The following PPP6R2 variants were observed in gnomAD, a reference collection of about 807,000 sequenced individuals.
PPP6R2 encodes the protein protein phosphatase 6 regulatory subunit 2.
PPP6R2 carries 62 observed loss-of-function variants against 100.2 expected under a neutral mutation model. The observed-to-expected ratio is 0.62, with a 90% CI of 0.50 to 0.76. The LOEUF (loss-of-function observed/expected upper bound fraction) is 0.76. Among genes scored for constraint, PPP6R2 ranks in the 30% least tolerant of loss-of-function variants. The pLI is 0.00. For missense variants in PPP6R2, 1,142 were observed against 1,276.3 expected, an observed-to-expected ratio of 0.89 and a Z score of 1.60; for synonymous variants, 525 against 514.7, an observed-to-expected ratio of 1.02 and a Z score of -0.27.
At chr22:50,380,223 GTCTTTT>G (rs964372985) in intron 2 of PPP6R2, among the ~76,000 whole-genome samples, 1 of 151,558 alleles carries the variant, frequency 6.6e-6, no homozygotes, top group African/African-American at 2.4e-5. Flanking sequence ...GAAGGTGCCA[GTCTTTT>G]TCTTTTTTTT....
intron 1 of PPP6R2, among the ~76,000 whole-genome samples, chr22:50,349,625 AGACCAG>A (rs2148031720): frequency 6.6e-6 from 1 of 152,208 alleles, no homozygotes; most frequent in Admixed American, 6.5e-5. Context: ...CAGGAATTCG[AGACCAG>A]CCTGGCCAAC....
At chr22:50,382,935 T>G (rs2053446078) in intron 2 of PPP6R2, among the ~76,000 whole-genome samples, 1 of 151,020 alleles carries the variant, frequency 6.6e-6, no homozygotes, top group South Asian at 2.1e-4. Flanking sequence ...CCTCCCAGAC[T>G]CAAGCGATTC....
chr22:50,375,812 G>T (rs999783309), intron 2 of PPP6R2, among the ~76,000 whole-genome samples: 6 of 121,300 alleles, frequency 4.9e-5, no homozygotes, highest in Non-Finnish European at 8.4e-5. Context: ...TTCATCCTAA[G>T]ATACAAAGAA....
chr22:50,381,735 C>G (rs1202970523), intron 2 of PPP6R2, among the ~76,000 whole-genome samples: 1 of 151,672 alleles, frequency 6.6e-6, no homozygotes, highest in Non-Finnish European at 1.5e-5. Flanking sequence ...GGTGAAACCC[C>G]GTCTCTACTA....
chr22:50,417,220 G>C (rs913347614), intron 6 of PPP6R2, among the ~76,000 whole-genome samples: 10 of 152,218 alleles, frequency 6.6e-5, no homozygotes, highest in African/African-American at 2.4e-4. Flanking sequence ...AGGGCTGTGG[G>C]CCGAGGCCGC....
At chr22:50,381,784 C>G (rs1455993116) in intron 2 of PPP6R2, among the ~76,000 whole-genome samples, 2 of 151,726 alleles carry the variant, frequency 1.3e-5, no homozygotes, top group Non-Finnish European at 2.9e-5. Flanking sequence ...GGCGGGCTCC[C>G]GTAGTCCCAG....
rs1569254645 is a variant in PPP6R2 at position 50,351,036 on chromosome 22, T to TG, written c.-148+7486_-148+7487insG. Among the ~76,000 whole-genome samples, 78 of 117,328 alleles carry TG rather than the reference T, an allele frequency of 6.6e-4. 2 individuals are homozygous for TG. The highest frequency in any genetic ancestry group is 2.0e-3 in the African/African-American group (62 of 31,332). The allele number at this position is 117,328 out of a possible 152,430, so 77.0% of individuals were successfully genotyped here. ...GTAGGTCTCAACAGTGTTTTTTTTTTTTTTTTTTTTTTTTTTTTTTTGAGA... is the reference window on the plus strand; with the variant it reads ...GTAGGTCTCAACAGTGTTTTTTTTTTGTTTTTTTTTTTTTTTTTTTTTGAGA... On this transcript the variant is annotated intron_variant, in intron 1 of 23. Coordinates refer to ENST00000612753, the MANE Select transcript of PPP6R2 (RefSeq NM_001242898.2).
chr22:50,427,545 GTATT>G (rs1249827386), intron 10 of PPP6R2, among the ~76,000 whole-genome samples: 1 of 152,038 alleles, frequency 6.6e-6, no homozygotes, highest in Non-Finnish European at 1.5e-5. Flanking sequence ...GTGTTCCTAT[GTATT>G]TATTTATTTA....
chr22:50,390,257 G>T (rs2055192986), intron 2 of PPP6R2, among the ~76,000 whole-genome samples: 1 of 152,070 alleles, frequency 6.6e-6, no homozygotes, highest in Non-Finnish European at 1.5e-5. Flanking sequence ...CTCCCAAAGT[G>T]CTGAGATTAC....
chr22:50,338,614 AGTAT>A (rs2042330627), upstream of PPP6R2, among the ~76,000 whole-genome samples: 1 of 90,914 alleles, frequency 1.1e-5, no homozygotes, highest in Non-Finnish European at 2.1e-5. Flanking sequence ...TGTGGTATGT[AGTAT>A]GTGTGGTATA....
chr22:50,348,918 G>A (rs1274296505), intron 1 of PPP6R2, among the ~76,000 whole-genome samples: 1 of 152,200 alleles, frequency 6.6e-6, no homozygotes, highest in Non-Finnish European at 1.5e-5. Flanking sequence ...AGGGCCGGGC[G>A]CAGTGGCTCA....
intron 3 of PPP6R2, among the ~76,000 whole-genome samples, chr22:50,404,090 T>A (rs2058460771): frequency 1.6e-5 from 1 of 63,196 alleles, no homozygotes; most frequent in South Asian, 6.0e-4. Context: ...GCACATTCTA[T>A]TTTTTTTTTT....
Position 50,437,490 on chromosome 22 carries a change from C to T in PPP6R2, c.1684-16C>T. The T allele has an allele frequency of 1.7e-6, 1 of 592,724 alleles. No individual in the cohort carries two copies. The highest frequency in any genetic ancestry group is 3.3e-6 in the Non-Finnish European group (1 of 304,166). The allele number at this position is 592,724 out of a possible 1,614,324, so 36.7% of individuals were successfully genotyped here. A position where few individuals can be genotyped will look rare whatever the true frequency, so the allele number is the denominator to read the frequency against. On this transcript the variant is annotated splice_polypyrimidine_tract_variant and intron_variant, in intron 15 of 23. Coordinates refer to ENST00000612753, the MANE Select transcript of PPP6R2 (RefSeq NM_001242898.2). ...ACCGGTGTCTGTCCGTCCCTCCCTC[C>T]CTCCCTCCCTCCCAGGCCTTCTCTG...
At position 50,364,947 on chromosome 22, in the gene PPP6R2, T is replaced by C. The variant is rs555856823; in HGVS notation, c.-147-7073T>C. ...ATTTTGGATTAAGAATGTTTTTATG[T>C]GTGATGGTATTAGAAGGTGGGCATA... On this transcript the variant is annotated intron_variant, in intron 1 of 23. Coordinates refer to ENST00000612753, the MANE Select transcript of PPP6R2 (RefSeq NM_001242898.2). Among the ~76,000 whole-genome samples the C allele has an allele frequency of 2.6e-5, 4 of 152,230 alleles. No homozygotes were observed. The South Asian group carries it at 8.3e-4, about 32-fold the overall frequency.
intron 3 of PPP6R2, among the ~76,000 whole-genome samples, chr22:50,398,894 C>A (rs1276644534): frequency 2.0e-5 from 3 of 152,222 alleles, no homozygotes; most frequent in Non-Finnish European, 4.4e-5. Context: ...CTTCTTCAGT[C>A]TGTCTGCGTC....
chr22:50,425,101 A>G (rs926228591), intron 10 of PPP6R2, among the ~76,000 whole-genome samples: 3 of 152,186 alleles, frequency 2.0e-5, no homozygotes, highest in South Asian at 4.1e-4. Context: ...ATTCACATCT[A>G]GAAGTTTTTC....
chr22:50,364,406 C>G (rs1198700386), intron 1 of PPP6R2, among the ~76,000 whole-genome samples: 3 of 152,100 alleles, frequency 2.0e-5, no homozygotes, highest in African/African-American at 4.8e-5. Context: ...TGCTTGAGTT[C>G]CTGGGTTCCT....
chr22:50,338,235 G>T, the PPP6R2 span, among the ~76,000 whole-genome samples: 22 of 143,770 alleles, frequency 1.5e-4, no homozygotes, highest in African/African-American at 5.2e-4. Context: ...TGGTGTGTGT[G>T]TGTGGTGTGT....
At chr22:50,342,508 C>CCA (rs1239447850), upstream of PPP6R2, among the ~76,000 whole-genome samples, 1 of 152,184 alleles carries the variant, frequency 6.6e-6, no homozygotes, top group Non-Finnish European at 1.5e-5. Flanking sequence ...CCTAACAGCG[C>CCA]CAGCTGGCAA....
Sources: gnomAD v4.1 joint callset for allele counts (sites outside exome capture counted in the v4.1 genomes callset) on GRCh38, gnomAD v4.1.1 for gene constraint, MANE v1.5 for transcripts, NCBI Gene and HGNC (gene_info 2026-07-23, HGNC 2026-07-21) for gene names.